The following TGFBI variants were observed in gnomAD, a reference collection of about 807,000 sequenced individuals.
TGFBI encodes transforming growth factor beta induced.
In TGFBI, 50 loss-of-function variants were observed where a neutral mutation model predicts 73.7. That is an observed-to-expected ratio of 0.68 (90% CI 0.54 to 0.86). The LOEUF (loss-of-function observed/expected upper bound fraction) is 0.86, where lower values mean the gene tolerates loss of function less well. Among genes scored for constraint, TGFBI ranks in the 40% least tolerant of loss-of-function variants. TGFBI has a pLI of 0.00. For synonymous variants in TGFBI, 362 were observed against 360.5 expected, an observed-to-expected ratio of 1.00 and a Z score of -0.05; for missense variants, 839 against 877.0, an observed-to-expected ratio of 0.96 and a Z score of 0.55.
At chr5:136,060,968 C>G in intron 14 of TGFBI, 32 bp downstream of exon 14, 1 of 1,476,866 alleles carries the variant, frequency 6.8e-7, no homozygotes, top group South Asian at 1.4e-5. Context: ...ACTCTGCAGC[C>G]AGTCCTTTTC....
At chr5:136,050,614 G>T (rs1751517324) in intron 7 of TGFBI, among the ~76,000 whole-genome samples, 1 of 152,172 alleles carries the variant, frequency 6.6e-6, no homozygotes, top group Non-Finnish European at 1.5e-5. Context: ...GTACGCCCCA[G>T]GTCTCTGATG....
chr5:136,059,323 C>T lies in TGFBI; in HGVS notation c.1803+109C>T, dbSNP rs1459994991. On this transcript the variant is annotated intron_variant, in intron 13 of 16. Coordinates refer to ENST00000442011, the MANE Select transcript of TGFBI (RefSeq NM_000358.3). ...ACACACACAACCTTCAAGTTGCAGC[C>T]CGAATCTCTGAGTGTAATTCGTCCA... 16 of 1,444,486 alleles carry T rather than the reference C, an allele frequency of 1.1e-5. No homozygotes were observed. In the East Asian group the frequency reaches 4.0e-4, roughly 36 times the overall value. The allele number at this position is 1,444,486 out of a possible 1,614,324, so 89.5% of individuals were successfully genotyped here.
chr5:136,036,174 C>T (rs140633356), intron 2 of TGFBI, among the ~76,000 whole-genome samples: 134 of 152,274 alleles, frequency 8.8e-4, no homozygotes, highest in Admixed American at 2.4e-3. Context: ...CTCCCTTACC[C>T]AGTGAGCACA....
At chr5:136,049,076 T>G in intron 6 of TGFBI, 3 of 205,654 alleles carry the variant, frequency 1.5e-5, no homozygotes, top group African/African-American at 2.3e-5. Context: ...GGCGGTGAGA[T>G]GGGGTGGGAA....
chr5:136,049,542 C>A lies in TGFBI; in HGVS notation c.875C>A (p.Thr292Asn), dbSNP rs766246728. 1.9e-6 allele frequency: 3 copies of A among 1,613,946 alleles called. No homozygotes were observed. The South Asian group carries it at 3.3e-5, about 18-fold the overall frequency. Residue 292 changes from threonine to asparagine, a missense_variant, in exon 7 of 17, where the codon ACT becomes AAT. Physicochemically the swap from Thr to Asn is moderately conservative, Grantham distance 65. Transcript: ENST00000442011. ...GCCTTCGAGAAGATCCCTAGTGAGA[C>A]TTTGAACCGTATCCTGGGCGACCCA... ...NEAFEKIPSE[T>N]LNRILGDPEA...
rs1260527369 is a variant in TGFBI at position 136,060,884 on chromosome 5, C to G, written c.1854C>G (p.Ile618Met). 1 of 1,601,240 alleles carries G rather than the reference C, an allele frequency of 6.2e-7. No homozygotes were observed. The highest frequency in any genetic ancestry group is 1.1e-5 in the South Asian group (1 of 89,462). The change falls in exon 14 of 17, where the codon ATC (isoleucine) becomes ATG (methionine). Residue 618 changes from isoleucine (I) to methionine (M), a missense_variant. Transcript: ENST00000442011. ...AGGAGCCTGTTGCCGAGCCTGACAT[C>G]ATGGCCACAAATGGCGTGGTCCATG... is the stretch of plus-strand genomic sequence containing the variant. ...VNKEPVAEPD[I>M]MATNGVVHVI...
At chr5:136,033,903 G>T (rs45452692) in intron 2 of TGFBI, 42 bp downstream of exon 2, 3 of 1,522,976 alleles carry the variant, frequency 2.0e-6, no homozygotes, top group African/African-American at 2.7e-5. Flanking sequence ...CTGTATGCAC[G>T]CTGGCTGCAG....
At chr5:136,061,634 G>A in intron 15 of TGFBI, 55 bp downstream of exon 15, 1 of 1,449,262 alleles carries the variant, frequency 6.9e-7, no homozygotes, top group Non-Finnish European at 9.7e-7. Context: ...TCCTCTGTTT[G>A]GGCCATAGAG....
At chr5:136,048,299 G>A (rs568116054) in intron 6 of TGFBI, 1 of 152,316 alleles carries the variant, frequency 6.6e-6, no homozygotes, top group South Asian at 2.1e-4. Context: ...TTGGCAGCAC[G>A]TGAACAGCAA....
At chr5:136,059,363 A>C in intron 13 of TGFBI, 149 bp downstream of exon 13, 1 of 1,204,524 alleles carries the variant, frequency 8.3e-7, no homozygotes, top group Non-Finnish European at 1.1e-6. Context: ...AAAAGAGAAA[A>C]GAGAAGAGGG....
At chr5:136,053,212 G>A (rs1036386729) in intron 8 of TGFBI, 93 bp downstream of exon 8, 15 of 1,258,482 alleles carry the variant, frequency 1.2e-5, no homozygotes, top group Non-Finnish European at 1.7e-5. Context: ...AGAGATCTTT[G>A]GGCGACTTCC....
chr5:136,047,179 G>T, intron 5 of TGFBI, 95 bp from the exon 6 acceptor site: 1 of 1,559,870 alleles, frequency 6.4e-7, no homozygotes, highest in Non-Finnish European at 8.7e-7. Context: ...CCCACATTTT[G>T]CTACTGTGTT....
chr5:136,056,397 C>T, intron 11 of TGFBI: 3 of 426,888 alleles, frequency 7.0e-6, no homozygotes, highest in Non-Finnish European at 1.3e-5. Context: ...TACCTCTGCC[C>T]TTTCTTTTCC....
intron 4 of TGFBI, 83 bp from the exon 5 acceptor site, chr5:136,046,768 A>G: frequency 6.7e-7 from 1 of 1,498,646 alleles, no homozygotes; most frequent in Non-Finnish European, 9.0e-7. Context: ...GAGGGCTGAG[A>G]ACATGTTTCC....
At chr5:136,041,240 G>A (rs1036132669) in intron 2 of TGFBI, among the ~76,000 whole-genome samples, 1 of 152,234 alleles carries the variant, frequency 6.6e-6, no homozygotes, top group Admixed American at 6.5e-5. Flanking sequence ...TTAAGAGAGA[G>A]CTTCCTGGCT....
chr5:136,060,814 C>G lies in TGFBI; in HGVS notation c.1804-20C>G, dbSNP rs1751734345. 1.3e-6 allele frequency: 2 copies of G among 1,560,982 alleles called. No homozygotes were observed. On this transcript the variant is annotated intron_variant, in intron 13 of 16. Coordinates refer to ENST00000442011, the MANE Select transcript of TGFBI (RefSeq NM_000358.3). ...TAAATAAATGCTCTACTTTCAACCA[C>G]TACTCTGTTTTTCTTTTAGAAAAAC...
At chr5:136,043,949 C>A in intron 2 of TGFBI, 109 bp from the exon 3 acceptor site, 1 of 855,582 alleles carries the variant, frequency 1.2e-6, no homozygotes, top group Non-Finnish European at 2.0e-6. Flanking sequence ...GTGTTTCACC[C>A]ACCATTCCTC....
At chr5:136,040,397 C>T (rs938695480) in intron 2 of TGFBI, among the ~76,000 whole-genome samples, 4 of 152,192 alleles carry the variant, frequency 2.6e-5, no homozygotes, top group African/African-American at 9.7e-5. Context: ...AGCTCCGCCT[C>T]CTGTCAGATC....
chr5:136,058,091 A>C (rs1302235085), intron 12 of TGFBI, among the ~76,000 whole-genome samples: 1 of 152,070 alleles, frequency 6.6e-6, no homozygotes, highest in Non-Finnish European at 1.5e-5. Flanking sequence ...AGGACATCCC[A>C]TGCACCCCAG....
Sources: allele counts gnomAD v4.1 joint callset (sites outside exome capture counted in the v4.1 genomes callset), GRCh38; gene constraint gnomAD v4.1.1; transcripts MANE v1.5; gene names NCBI Gene and HGNC (gene_info 2026-07-23, HGNC 2026-07-21).